WDR83OS: variants seen among roughly 807,000 people sequenced by gnomAD.
The protein encoded by WDR83OS is PAT complex subunit Asterix.
Under a neutral mutation model 13.7 loss-of-function variants are expected in WDR83OS, and 15 were observed. The observed-to-expected ratio is 1.09, with a 90% CI of 0.73 to 1.69. WDR83OS has a LOEUF of 1.69. WDR83OS is among the 40% of genes most tolerant of loss of function. The probability of loss-of-function intolerance (pLI) is 0.00; values close to 1 mark genes in which losing one functional copy is unlikely to be tolerated. For synonymous variants in WDR83OS, 68 were observed against 52.9 expected (o/e 1.29, Z -1.24); for missense variants, 145 against 143.2 (o/e 1.01, Z -0.06).
At chr19:12,668,478 C>T (rs770344659) in intron 3 of WDR83OS, 42 bp downstream of exon 3, 1 of 1,613,158 alleles carries the variant, frequency 6.2e-7, no homozygotes, top group Non-Finnish European at 8.5e-7. Flanking sequence ...GGTCCCCCCA[C>T]CCCTTACTCA....
At chr19:12,668,738 C>T in intron 2 of WDR83OS, 121 bp from the exon 3 acceptor site, 1 of 840,410 alleles carries the variant, frequency 1.2e-6, no homozygotes, top group Non-Finnish European at 1.9e-6. Flanking sequence ...GGACCTTGCC[C>T]CACCCGGAAT....
Position 12,669,166 on chromosome 19 carries a change from G to A in WDR83OS, c.118C>T (p.Leu40=). 10 of 1,614,166 alleles carry A rather than the reference G, an allele frequency of 6.2e-6. No homozygotes were observed. The highest frequency in any genetic ancestry group is 7.6e-6 in the Non-Finnish European group (9 of 1,180,026). The change falls in exon 2 of 4, where the codon CTG becomes TTG. Residue 40 remains leucine, a synonymous_variant. Transcript: ENST00000596731. The part of the protein sequence containing the change: ...DDPTPDYMNL[L]GMIFSMCGLM... Reference sequence around the variant, plus strand: ...CCGCACATGCTGAAGATCATGCCCAGCAGGTTCATGTAGTCCGGCGTCGGG... The same window carrying A: ...CCGCACATGCTGAAGATCATGCCCAACAGGTTCATGTAGTCCGGCGTCGGG...
rs1470856498 is a variant in WDR83OS at position 12,668,989 on chromosome 19, G to C, written c.156+139C>G. The C allele has an allele frequency of 4.7e-6, 4 of 853,382 alleles. No homozygotes were observed. In the African/African-American group the frequency reaches 5.0e-5, roughly 11 times the overall value. 52.9% of individuals were successfully genotyped at this position (853,382 alleles called of 1,614,324 possible). A position where few individuals can be genotyped will look rare whatever the true frequency, so the allele number is the denominator to read the frequency against. On this transcript the variant is annotated intron_variant, in intron 2 of 3. Transcript: ENST00000596731. ...CAAAGACTGGGGCTTTCTCGGCCCA[G>C]CGTCATCGCAGCCCCACTCCCGGCC...
At position 12,668,600 on chromosome 19, in the gene WDR83OS, C is replaced by T. The variant is rs1020923116; in HGVS notation, c.174G>A (p.Trp58Ter). Residue 58 changes from tryptophan (W) to a stop codon, truncating the protein, a stop_gained, in exon 3 of 4, where the codon TGG becomes TGA. Coordinates refer to ENST00000596731, the MANE Select transcript of WDR83OS (RefSeq NM_016145.4). LOFTEE classifies it high-confidence loss of function. ...GLMLKLKWCA[W>*]VAVYCSFISF... ...TGATGAAGGAGCAGTAGACAGCGAC[C>T]CAAGCACACCACTTCAGCTAGGGAA... 1 of 1,614,044 alleles carries T rather than the reference C, an allele frequency of 6.2e-7. No individual in the cohort carries two copies. Among genetic ancestry groups the T allele is most frequent in the African/African-American group, 1.3e-5 (1 of 75,018 alleles).
At position 12,668,147 on chromosome 19, in the gene WDR83OS, C is replaced by T. The variant is rs1036950740; in HGVS notation, c.*212G>A. On this transcript the variant is annotated 3_prime_UTR_variant, in exon 4 of 4. Coordinates refer to ENST00000596731, the MANE Select transcript of WDR83OS (RefSeq NM_016145.4). ...ATACCCCTAGAAACATGGACAGCATCTCCCCCAGCAGCAGGCAGGGGAAGG... is the reference window on the plus strand; with the variant it reads ...ATACCCCTAGAAACATGGACAGCATTTCCCCCAGCAGCAGGCAGGGGAAGG... 4 of 567,698 alleles carry T rather than the reference C, an allele frequency of 7.0e-6. No individual in the cohort carries two copies. In the Admixed American group the frequency reaches 9.2e-5, roughly 13 times the overall value. 35.2% of individuals were successfully genotyped at this position (567,698 alleles called of 1,614,324 possible). A position where few individuals can be genotyped will look rare whatever the true frequency, so the allele number is the denominator to read the frequency against.
intron 2 of WDR83OS, among the ~76,000 whole-genome samples, chr19:12,668,892 T>G (rs1183251415): frequency 6.6e-6 from 1 of 152,092 alleles, no homozygotes; most frequent in African/African-American, 2.4e-5. Context: ...CTCTCCAAGT[T>G]GCTTCAAAGC....
In WDR83OS at chr19:12,668,370, G is replaced by T; in HGVS notation, c.310C>A (p.Pro104Thr). ...CTTCTAGGCTGGTATCACCATGGGG[G>T]CGTCATGGGCTGAGGATTCTGCAGA... ...SYLQNPQPMT[P>T]PW The change falls in exon 4 of 4, where the codon CCC becomes ACC. Residue 104 changes from proline (P) to threonine (T), a missense_variant. Pro to Thr is a conservative substitution (Grantham distance 38, BLOSUM62 -1). Transcript: ENST00000596731. The T allele has an allele frequency of 6.2e-7, 1 of 1,612,874 alleles. No homozygotes were observed. Among genetic ancestry groups the T allele is most frequent in the Non-Finnish European group, 8.5e-7 (1 of 1,179,638 alleles).
chr19:12,668,463 G>C, intron 3 of WDR83OS, 38 bp from the exon 4 acceptor site: 1 of 1,613,156 alleles, frequency 6.2e-7, no homozygotes, highest in South Asian at 1.1e-5. Context: ...GGATGGCCAG[G>C]CTGGGGTCCC....
Position 12,668,435 on chromosome 19 carries a change from G to T in WDR83OS, c.255-10C>A. 1 of 1,613,524 alleles carries T rather than the reference G, an allele frequency of 6.2e-7. No homozygotes were observed. The highest frequency in any genetic ancestry group is 8.5e-7 in the Non-Finnish European group (1 of 1,179,752). ...GGCAGAGATGGACAGCCTGAGACAG[G>T]AGAGAGGTGTCAGTCTAGGATGGCC... On this transcript the variant is annotated splice_polypyrimidine_tract_variant and intron_variant, in intron 3 of 3. Coordinates refer to ENST00000596731, the MANE Select transcript of WDR83OS (RefSeq NM_016145.4).
Position 12,668,396 on chromosome 19 carries a change from T to C in WDR83OS, c.284A>G (p.Tyr95Cys). The C allele has an allele frequency of 6.2e-7, 1 of 1,613,648 alleles. No homozygotes were observed. Among genetic ancestry groups the C allele is most frequent in the Non-Finnish European group, 8.5e-7 (1 of 1,179,844 alleles). The part of the protein sequence containing the change: ...MLSISAVVMS[Y>C]LQNPQPMTPP... ...CGTCATGGGCTGAGGATTCTGCAGA[T>C]AGGACATCACCACGGCAGAGATGGA... Residue 95 changes from tyrosine (Y) to cysteine (C), a missense_variant, in exon 4 of 4, where the codon TAT (tyrosine) becomes TGT (cysteine). By Grantham distance (194) the Tyr-to-Cys change is radical. Transcript: ENST00000596731.
At chr19:12,668,693 C>A in intron 2 of WDR83OS, 76 bp from the exon 3 acceptor site, 2 of 1,218,302 alleles carry the variant, frequency 1.6e-6, no homozygotes, top group East Asian at 2.4e-5. Flanking sequence ...TTCCAGACAC[C>A]AGATCATGCC....
chr19:12,668,889 A>G (rs116395713), intron 2 of WDR83OS, among the ~76,000 whole-genome samples: 1 of 152,174 alleles, frequency 6.6e-6, no homozygotes, highest in African/African-American at 2.4e-5. Context: ...CTCCTCTCCA[A>G]GTTGCTTCAA....
Position 12,668,395 on chromosome 19 carries a change from A to C in WDR83OS, c.285T>G (p.Tyr95Ter), listed in dbSNP as rs763259789. ...GCGTCATGGGCTGAGGATTCTGCAGATAGGACATCACCACGGCAGAGATGG... is the reference window on the plus strand; with the variant it reads ...GCGTCATGGGCTGAGGATTCTGCAGCTAGGACATCACCACGGCAGAGATGG... ...MLSISAVVMS[Y>*]LQNPQPMTPP... The change falls in exon 4 of 4, where the codon TAT becomes TAG. Residue 95 changes from tyrosine to a stop codon, truncating the protein, a stop_gained. Transcript: ENST00000596731. LOFTEE classifies it high-confidence loss of function. 1 of 1,613,692 alleles carries C rather than the reference A, an allele frequency of 6.2e-7. No homozygotes were observed. The highest frequency in any genetic ancestry group is 8.5e-7 in the Non-Finnish European group (1 of 1,179,848).
rs781248159 is a variant in WDR83OS at position 12,669,237 on chromosome 19, C to T, written c.51-4G>A. On this transcript the variant is annotated splice_polypyrimidine_tract_variant and splice_region_variant and intron_variant, in intron 1 of 3. Transcript: ENST00000596731. ...TTCGCTCGGCGGGGGCTTGTACCTG[C>T]GACAGGCTCGAGGGTCAGGGGCGCT... The T allele has an allele frequency of 3.1e-6, 5 of 1,613,728 alleles. No individual in the cohort carries two copies. The highest frequency in any genetic ancestry group is 4.2e-6 in the Non-Finnish European group (5 of 1,179,928).
chr19:12,668,236 G>A lies in WDR83OS; in HGVS notation c.*123C>T. ...GGGCCAGGTTCCCTCTATCCAGCTG[G>A]GGGCACCGAGACGGCCTCATTCAGG... is the stretch of plus-strand genomic sequence containing the variant. On this transcript the variant is annotated 3_prime_UTR_variant, in exon 4 of 4. Transcript: ENST00000596731. The A allele has an allele frequency of 9.9e-7, 1 of 1,008,866 alleles. No individual in the cohort carries two copies. The highest frequency in any genetic ancestry group is 2.6e-5 in the East Asian group (1 of 38,376). 62.5% of individuals were successfully genotyped at this position (1,008,866 alleles called of 1,614,324 possible). A position where few individuals can be genotyped will look rare whatever the true frequency, so the allele number is the denominator to read the frequency against.
intron 2 of WDR83OS, 128 bp downstream of exon 2, chr19:12,669,000 G>T: frequency 1.1e-6 from 1 of 939,016 alleles, no homozygotes; most frequent in Middle Eastern, 2.3e-4. Flanking sequence ...CGTCATCGCA[G>T]CCCCACTCCC....
Position 12,668,586 on chromosome 19 carries a change from C to G in WDR83OS, c.188G>C (p.Cys63Ser). Residue 63 changes from cysteine (C) to serine (S), a missense_variant, in exon 3 of 4, where the codon TGC becomes TCC. By Grantham distance (112) the Cys-to-Ser change is moderately radical (BLOSUM62 -1). Coordinates refer to ENST00000596731, the MANE Select transcript of WDR83OS (RefSeq NM_016145.4). ...AGAGTTGGCAAAGCTGATGAAGGAGCAGTAGACAGCGACCCAAGCACACCA... is the reference window on the plus strand; with the variant it reads ...AGAGTTGGCAAAGCTGATGAAGGAGGAGTAGACAGCGACCCAAGCACACCA... ...LKWCAWVAVY[C>S]SFISFANSRS... 6.2e-7 allele frequency: 1 copy of G among 1,614,080 alleles called. No homozygotes were observed. Among genetic ancestry groups the G allele is most frequent in the Non-Finnish European group, 8.5e-7 (1 of 1,180,000 alleles).
intron 2 of WDR83OS, 147 bp from the exon 3 acceptor site, chr19:12,668,764 G>C: frequency 1.4e-6 from 1 of 699,286 alleles, no homozygotes; most frequent in Non-Finnish European, 2.5e-6. Context: ...AGTCCCACCT[G>C]CTCATGGCAT....
chr19:12,669,249 G>A lies in WDR83OS; in HGVS notation c.51-16C>T, dbSNP rs1000917887. 9.3e-6 allele frequency: 15 copies of A among 1,613,376 alleles called. No individual in the cohort carries two copies. In the African/African-American group the frequency reaches 1.6e-4, roughly 17 times the overall value. On this transcript the variant is annotated splice_polypyrimidine_tract_variant and intron_variant, in intron 1 of 3. Coordinates refer to ENST00000596731, the MANE Select transcript of WDR83OS (RefSeq NM_016145.4). The stretch of plus-strand genomic sequence containing the variant: ...GGGCTTGTACCTGCGACAGGCTCGA[G>A]GGTCAGGGGCGCTCAGGTCCTGCCC...
Sources: gnomAD v4.1 joint callset for allele counts (sites outside exome capture counted in the v4.1 genomes callset) on GRCh38, gnomAD v4.1.1 for gene constraint, MANE v1.5 for transcripts, NCBI Gene and HGNC (gene_info 2026-07-23, HGNC 2026-07-21) for gene names.